Variants in MAPK1IP1L observed in about 807,000 individuals in gnomAD.
The protein encoded by MAPK1IP1L is MAPK-interacting and spindle-stabilizing protein-like.
Under a neutral mutation model 18.1 loss-of-function variants are expected in MAPK1IP1L, and 10 were observed. That is an observed-to-expected ratio of 0.55 (90% CI 0.34 to 0.94). The LOEUF (loss-of-function observed/expected upper bound fraction) is 0.94, where lower values mean the gene tolerates loss of function less well. MAPK1IP1L is among the 40% of genes least tolerant of loss of function. The pLI, the probability that MAPK1IP1L is intolerant of heterozygous loss-of-function variation, is 0.02. For missense variants in MAPK1IP1L, 260 were observed against 318.2 expected, an observed-to-expected ratio of 0.82 and a Z score of 1.39; for synonymous variants, 115 against 117.3, an observed-to-expected ratio of 0.98 and a Z score of 0.13.
At position 55,069,058 on chromosome 14, in the gene MAPK1IP1L, T is replaced by C. The variant is rs184533441; in HGVS notation, c.*4431T>C. On this transcript the variant is annotated 3_prime_UTR_variant, in exon 4 of 4. Coordinates refer to ENST00000395468, the MANE Select transcript of MAPK1IP1L (RefSeq NM_144578.4). ...ATGTTTTTCAAGATTGTAGTGTTGATCAGCGCAACAATTCAAGTGTGCAAA... is the reference window on the plus strand; with the variant it reads ...ATGTTTTTCAAGATTGTAGTGTTGACCAGCGCAACAATTCAAGTGTGCAAA... 2.5e-4 allele frequency: 38 copies of C among 152,212 alleles called. No individual in the cohort carries two copies. Among genetic ancestry groups the C allele is most frequent in the African/African-American group, 8.9e-4 (37 of 41,508 alleles). 9.4% of individuals were successfully genotyped at this position (152,212 alleles called of 1,614,324 possible).
chr14:55,055,192 A>G (rs947617968), intron 1 of MAPK1IP1L, among the ~76,000 whole-genome samples: 4 of 152,068 alleles, frequency 2.6e-5, no homozygotes, highest in Admixed American at 2.6e-4. Flanking sequence ...TCTCTTAACT[A>G]CTGGCCTCAA....
chr14:55,054,611 C>G (rs141264963), intron 1 of MAPK1IP1L, among the ~76,000 whole-genome samples: 11 of 152,310 alleles, frequency 7.2e-5, no homozygotes, highest in African/African-American at 2.6e-4. Flanking sequence ...ATTATAACTT[C>G]TACAGATGGA....
intron 1 of MAPK1IP1L, 56 bp from the exon 2 acceptor site, chr14:55,061,624 G>GT: frequency 8.1e-7 from 1 of 1,229,528 alleles, no homozygotes; most frequent in Admixed American, 2.2e-5. Flanking sequence ...TTTAAGAAAT[G>GT]GTGAACACTG....
intron 1 of MAPK1IP1L, among the ~76,000 whole-genome samples, chr14:55,052,332 CTTGT>C (rs1181332699): frequency 2.2e-4 from 34 of 152,120 alleles, no homozygotes; most frequent in Non-Finnish European, 3.8e-4. Flanking sequence ...GTCTCGGGCG[CTTGT>C]TAATCCGCAG....
At position 55,066,194 on chromosome 14, in the gene MAPK1IP1L, A is replaced by C. The variant is rs2042860795; in HGVS notation, c.*1567A>C. 6.6e-6 allele frequency: 1 copy of C among 152,200 alleles called. No homozygotes were observed. The highest frequency in any genetic ancestry group is 2.4e-5 in the African/African-American group (1 of 41,460). The allele number at this position is 152,200 out of a possible 1,614,324, so 9.4% of individuals were successfully genotyped here. On this transcript the variant is annotated 3_prime_UTR_variant, in exon 4 of 4. Transcript: ENST00000395468. ...TATTTAGTAGTTTATTTCTGCTCTA[A>C]TTAAAATGTCAAGAATGCCAAATGC...
In MAPK1IP1L at chr14:55,068,035, T is replaced by C. The variant is rs1157416917; in HGVS notation, c.*3408T>C. 6.6e-6 allele frequency: 1 copy of C among 152,254 alleles called. No individual in the cohort carries two copies. The highest frequency in any genetic ancestry group is 2.4e-5 in the African/African-American group (1 of 41,472). The allele number at this position is 152,254 out of a possible 1,614,324, so 9.4% of individuals were successfully genotyped here. On this transcript the variant is annotated 3_prime_UTR_variant, in exon 4 of 4. Coordinates refer to ENST00000395468, the MANE Select transcript of MAPK1IP1L (RefSeq NM_144578.4). Reference sequence around the variant, plus strand: ...AGCACTTCAAAGACCTTGGCTTGTCTGTCCCATCCTGCCACTTTCTCATCT... The same window carrying C: ...AGCACTTCAAAGACCTTGGCTTGTCCGTCCCATCCTGCCACTTTCTCATCT...
intron 1 of MAPK1IP1L, among the ~76,000 whole-genome samples, chr14:55,057,769 A>AT (rs1460495492): frequency 6.6e-6 from 1 of 151,744 alleles, no homozygotes; most frequent in Non-Finnish European, 1.5e-5. Flanking sequence ...AAAAAAAAAA[A>AT]TTTAAATGAT....
intron 1 of MAPK1IP1L, among the ~76,000 whole-genome samples, chr14:55,061,269 T>C (rs181166456): frequency 7.6e-4 from 115 of 152,280 alleles, no homozygotes; most frequent in Non-Finnish European, 1.2e-3. Flanking sequence ...GAGAAATGAG[T>C]GTAAATTGGC....
At position 55,064,642 on chromosome 14, in the gene MAPK1IP1L, A is replaced by G; in HGVS notation, c.*15A>G. On this transcript the variant is annotated 3_prime_UTR_variant, in exon 4 of 4. Coordinates refer to ENST00000395468, the MANE Select transcript of MAPK1IP1L (RefSeq NM_144578.4). ...CTTACCATTAAGTTAACAATGGACG[A>G]AGAGATGACGCTTTGCTTTTTGAAG... The G allele has an allele frequency of 6.2e-7, 1 of 1,611,662 alleles. No homozygotes were observed. The highest frequency in any genetic ancestry group is 8.5e-7 in the Non-Finnish European group (1 of 1,179,302).
At chr14:55,064,594 CT>C (rs1228856572) in intron 3 of MAPK1IP1L, 21 bp from the exon 4 acceptor site, 1 of 1,611,492 alleles carries the variant, frequency 6.2e-7, no homozygotes, top group Non-Finnish European at 8.5e-7. Flanking sequence ...TAGAAGTTGA[CT>C]TTTTCTTTTT....
At chr14:55,061,518 T>C (rs1026881894) in intron 1 of MAPK1IP1L, among the ~76,000 whole-genome samples, 162 bp from the exon 2 acceptor site, 1 of 152,228 alleles carries the variant, frequency 6.6e-6, no homozygotes, top group African/African-American at 2.4e-5. Flanking sequence ...TATGAACTAT[T>C]ATGGAAAACT....
Position 55,068,291 on chromosome 14 carries a change from TA to T in MAPK1IP1L, c.*3670del, listed in dbSNP as rs1382781471. 6.6e-6 allele frequency: 1 copy of T among 152,658 alleles called. No individual in the cohort carries two copies. Among genetic ancestry groups the T allele is most frequent in the African/African-American group, 2.4e-5 (1 of 41,450 alleles). The allele number at this position is 152,658 out of a possible 1,614,324, so 9.5% of individuals were successfully genotyped here. A position where few individuals can be genotyped will look rare whatever the true frequency, so the allele number is the denominator to read the frequency against. ...CACAATGGACTATTGGGATATTTTC[TA>T]AAAAACCAATCAATTTGCCCATGAT... is the stretch of plus-strand genomic sequence containing the variant. On this transcript the variant is annotated 3_prime_UTR_variant, in exon 4 of 4. Coordinates refer to ENST00000395468, the MANE Select transcript of MAPK1IP1L (RefSeq NM_144578.4).
intron 1 of MAPK1IP1L, among the ~76,000 whole-genome samples, chr14:55,058,029 A>G (rs1391964081): frequency 6.6e-6 from 1 of 152,226 alleles, no homozygotes; most frequent in Non-Finnish European, 1.5e-5. Flanking sequence ...CAGGGTCTCA[A>G]TGGCTGGAGC....
At chr14:55,059,655 G>A (rs183955861) in intron 1 of MAPK1IP1L, among the ~76,000 whole-genome samples, 10 of 152,296 alleles carry the variant, frequency 6.6e-5, no homozygotes, top group Non-Finnish European at 1.3e-4. Flanking sequence ...CCTAAGTTCT[G>A]GAGTCATACT....
Position 55,063,131 on chromosome 14 carries a change from C to A in MAPK1IP1L, c.532C>A (p.Pro178Thr). ...YPSPGPYPAPPPPQAPGAAPP... is the reference protein window; with the variant it reads ...YPSPGPYPAPTPPQAPGAAPP... ...ATCTCCAGGCCCATATCCCGCTCCT[C>A]CTCCTCCCCAAGCCCCTGGGGCAGC... Residue 178 changes from proline to threonine, a missense_variant, in exon 3 of 4, where the codon CCT becomes ACT. Physicochemically the swap from Pro to Thr is conservative, Grantham distance 38 (BLOSUM62 -1). Transcript: ENST00000395468. 6.2e-7 allele frequency: 1 copy of A among 1,613,922 alleles called. No homozygotes were observed. Among genetic ancestry groups the A allele is most frequent in the Non-Finnish European group, 8.5e-7 (1 of 1,180,038 alleles).
chr14:55,058,701 G>A (rs1046179403), intron 1 of MAPK1IP1L, among the ~76,000 whole-genome samples: 6 of 151,944 alleles, frequency 3.9e-5, no homozygotes, highest in South Asian at 2.1e-4. Context: ...GCATGGCGGC[G>A]CTTGCCTATA....
At chr14:55,063,635 TTTA>T (rs1006474849) in intron 3 of MAPK1IP1L, among the ~76,000 whole-genome samples, 51 of 152,160 alleles carry the variant, frequency 3.4e-4, no homozygotes, top group Admixed American at 5.9e-4. Context: ...GGCTTTTTGT[TTTA>T]TTATTATTAT....
chr14:55,056,598 C>T (rs1017116164), intron 1 of MAPK1IP1L, among the ~76,000 whole-genome samples: 1 of 152,174 alleles, frequency 6.6e-6, no homozygotes, highest in Non-Finnish European at 1.5e-5. Flanking sequence ...CAAGCTCCGC[C>T]TCCTGGGTTC....
rs2042828351 is a variant in MAPK1IP1L at position 55,062,831 on chromosome 14, A to G, written c.232A>G (p.Thr78Ala). The change falls in exon 3 of 4, where the codon ACC (threonine) becomes GCC (alanine). Residue 78 changes from threonine to alanine, a missense_variant. Thr to Ala is a moderately conservative substitution (Grantham distance 58). Coordinates refer to ENST00000395468, the MANE Select transcript of MAPK1IP1L (RefSeq NM_144578.4). ...PTGMYPSVPP[T>A]GPPPGPPAPF... ...AGGAATGTATCCCTCCGTGCCTCCC[A>G]CCGGACCACCTCCAGGACCCCCAGC... The G allele has an allele frequency of 6.2e-6, 10 of 1,613,900 alleles. No individual in the cohort carries two copies. Among genetic ancestry groups the G allele is most frequent in the Non-Finnish European group, 7.6e-6 (9 of 1,179,950 alleles).
Sources: gnomAD v4.1 joint callset for allele counts (sites outside exome capture counted in the v4.1 genomes callset) on GRCh38, gnomAD v4.1.1 for gene constraint, MANE v1.5 for transcripts, NCBI Gene and HGNC (gene_info 2026-07-23, HGNC 2026-07-21) for gene names.